The following TBX5 variants were observed in gnomAD, a reference collection of about 807,000 sequenced individuals.
TBX5 encodes T-box transcription factor TBX5.
A neutral mutation model predicts 51.1 loss-of-function variants in TBX5; 8 were observed. The ratio of observed to expected loss-of-function variants is 0.16; its 90% CI spans 0.09 to 0.28. The LOEUF (loss-of-function observed/expected upper bound fraction) is 0.28. Ranked by LOEUF, TBX5 falls within the 10% of genes least tolerant of loss-of-function variation. The pLI is 1.00. For missense variants in TBX5, 589 were observed against 671.7 expected, an observed-to-expected ratio of 0.88 and a Z score of 1.36; for synonymous variants, 302 against 266.4, an observed-to-expected ratio of 1.13 and a Z score of -1.30.
At position 114,403,758 on chromosome 12, in the gene TBX5, G is replaced by A. The variant is rs564730479; in HGVS notation, c.141C>T (p.Thr47=). 74 of 1,613,524 alleles carry A rather than the reference G, an allele frequency of 4.6e-5. 2 individuals are homozygous for A. In the South Asian group the frequency reaches 7.5e-4, roughly 16 times the overall value. The change falls in exon 2 of 9, where the codon ACC becomes ACT. Residue 47 remains threonine (T), a synonymous_variant. Coordinates refer to ENST00000405440, the MANE Select transcript of TBX5 (RefSeq NM_181486.4). ...KSPSSPQAAF[T]QQGMEGIKVF... Reference sequence around the variant, plus strand: ...AAGCGCGAGGTCTCCTTACCTGCTGGGTGAAGGCGGCCTGCGGGGACGACG... The same window carrying A: ...AAGCGCGAGGTCTCCTTACCTGCTGAGTGAAGGCGGCCTGCGGGGACGACG...
chr12:114,395,431 A>G (rs1871363916), intron 5 of TBX5, among the ~76,000 whole-genome samples: 1 of 152,050 alleles, frequency 6.6e-6, no homozygotes, highest in African/African-American at 2.4e-5. Context: ...CCTTTTTCTG[A>G]GGCTTAGGGT....
chr12:114,386,653 T>C (rs1356543121), intron 6 of TBX5, among the ~76,000 whole-genome samples: 1 of 152,202 alleles, frequency 6.6e-6, no homozygotes, highest in Non-Finnish European at 1.5e-5. Context: ...AGAAAATAAA[T>C]ATATGTAATT....
At chr12:114,368,662 G>A (rs1869689825) in intron 7 of TBX5, among the ~76,000 whole-genome samples, 1 of 152,252 alleles carries the variant, frequency 6.6e-6, no homozygotes, top group Non-Finnish European at 1.5e-5. Context: ...AACACAATAT[G>A]CTTTTAGGGG....
intron 7 of TBX5, among the ~76,000 whole-genome samples, chr12:114,367,151 GAATAGAGGGAGGGA>G (rs1869583475): frequency 6.6e-6 from 1 of 150,962 alleles, no homozygotes; most frequent in African/African-American, 2.4e-5. Flanking sequence ...TGGGCAGAGA[GAATAGAGGGAGGGA>G]AAAAAGAGAG....
At chr12:114,408,046 A>G (rs1231534396), upstream of TBX5, 5 of 985,466 alleles carry the variant, frequency 5.1e-6, no homozygotes, top group East Asian at 4.5e-4. Flanking sequence ...TAAAATAAAG[A>G]GGCAACCAGG....
chr12:114,399,278 A>G (rs1182175078), intron 4 of TBX5, among the ~76,000 whole-genome samples: 1 of 152,228 alleles, frequency 6.6e-6, no homozygotes, highest in Admixed American at 6.5e-5. Flanking sequence ...CAATAGACAC[A>G]GGCACCTCAC....
intron 8 of TBX5, among the ~76,000 whole-genome samples, chr12:114,362,374 C>G (rs1243217210): frequency 6.6e-6 from 1 of 152,172 alleles, no homozygotes; most frequent in African/African-American, 2.4e-5. Context: ...CTGGTCCCTG[C>G]CTTCCCCTCT....
intron 6 of TBX5, among the ~76,000 whole-genome samples, chr12:114,388,810 C>T (rs1440643299): frequency 6.7e-6 from 1 of 149,896 alleles, no homozygotes; most frequent in East Asian, 2.0e-4. Context: ...TCTTGAACTC[C>T]TGGGCTCAAG....
intron 7 of TBX5, among the ~76,000 whole-genome samples, chr12:114,384,602 T>C (rs1241534149): frequency 1.3e-5 from 2 of 152,156 alleles, no homozygotes; most frequent in Admixed American, 6.6e-5. Flanking sequence ...TGAATATATC[T>C]GTCTATCTGC....
intron 5 of TBX5, among the ~76,000 whole-genome samples, chr12:114,398,185 G>A (rs1248569439): frequency 6.6e-6 from 1 of 152,188 alleles, no homozygotes; most frequent in Non-Finnish European, 1.5e-5. Context: ...TGAGCCGGGG[G>A]CCATATCTCC....
chr12:114,357,152 G>A lies in TBX5; in HGVS notation c.983-1046C>T, dbSNP rs12302003. 1.5e-3 allele frequency among the ~76,000 whole-genome samples: 224 copies of A among 152,292 alleles called. 1 individual carries two copies. The highest frequency in any genetic ancestry group is 4.9e-3 in the African/African-American group (203 of 41,538). On this transcript the variant is annotated intron_variant, in intron 8 of 8. Transcript: ENST00000405440. ...TTGTTAAGTTGGTACAAGTTAATGT[G>A]TTGCTGTTTCCTGCTGAGCAAGTCC...
chr12:114,391,012 T>C (rs1040678808), intron 6 of TBX5, among the ~76,000 whole-genome samples: 2 of 152,176 alleles, frequency 1.3e-5, no homozygotes, highest in African/African-American at 4.8e-5. Flanking sequence ...CAGTGGTATA[T>C]GGGTATGTGA....
At chr12:114,381,635 T>G (rs889145586) in intron 7 of TBX5, among the ~76,000 whole-genome samples, 4 of 152,168 alleles carry the variant, frequency 2.6e-5, no homozygotes, top group Admixed American at 6.5e-5. Flanking sequence ...TCTATGCCCC[T>G]CCTGCAGATG....
chr12:114,398,674 C>G lies in TBX5; in HGVS notation c.409G>C (p.Val137Leu). The change falls in exon 5 of 9, where the codon GTG becomes CTG. Residue 137 changes from valine (V) to leucine (L), a missense_variant. This residue lies in a region of TBX5 where 85 missense variants were observed against 95.6 expected (regional missense o/e 0.89). Transcript: ENST00000405440. The stretch of plus-strand genomic sequence containing the variant: ...CCGGTGGCGGGGGAGTCTGGGTGCA[C>G]GTACAGGCGGCCAGGCATGGCGGGC... The part of the protein sequence containing the change: ...AEPAMPGRLY[V>L]HPDSPATGAH... 1 of 1,612,562 alleles carries G rather than the reference C, an allele frequency of 6.2e-7. No homozygotes were observed. The highest frequency in any genetic ancestry group is 8.5e-7 in the Non-Finnish European group (1 of 1,179,514).
At chr12:114,357,412 C>T (rs1479372041) in intron 8 of TBX5, among the ~76,000 whole-genome samples, 1 of 152,114 alleles carries the variant, frequency 6.6e-6, no homozygotes, top group Non-Finnish European at 1.5e-5. Context: ...AAACCCAGAC[C>T]CCAGGTTAAG....
chr12:114,376,911 G>C lies in TBX5; in HGVS notation c.755+8565C>G, dbSNP rs373813452. On this transcript the variant is annotated intron_variant, in intron 7 of 8. Coordinates refer to ENST00000405440, the MANE Select transcript of TBX5 (RefSeq NM_181486.4). ...TGCTGGGGATGGGTTAGGTGGGGGT[G>C]GGGGTACCTGAGTGGGAAAGTGGGA... Among the ~76,000 whole-genome samples, 34 of 152,110 alleles carry C rather than the reference G, an allele frequency of 2.2e-4. No individual in the cohort carries two copies. The South Asian group carries it at 6.7e-3, about 30-fold the overall frequency.
intron 6 of TBX5, among the ~76,000 whole-genome samples, chr12:114,394,495 GACA>G (rs1871315989): frequency 6.6e-6 from 1 of 152,182 alleles, no homozygotes; most frequent in African/African-American, 2.4e-5. Flanking sequence ...TCTATGGTTT[GACA>G]AGTTTGTTTC....
chr12:114,362,896 T>C (rs1162872918), intron 8 of TBX5, among the ~76,000 whole-genome samples: 1 of 152,172 alleles, frequency 6.6e-6, no homozygotes, highest in Non-Finnish European at 1.5e-5. Context: ...ACTCTTGGAC[T>C]CAAGCAATCC....
rs1371034438 is a variant in TBX5, at chr12:114,355,484, T to C, written c.*48A>G. On this transcript the variant is annotated 3_prime_UTR_variant, in exon 9 of 9. Transcript: ENST00000405440. ...TCTCTCCTTCTCTCTCTTTCTCCTC[T>C]CTCTCTCTCTTTCTCTAGGAAATGT... 6.3e-7 allele frequency: 1 copy of C among 1,591,690 alleles called. No homozygotes were observed. The highest frequency in any genetic ancestry group is 1.7e-5 in the Admixed American group (1 of 59,186).
Sources: allele counts gnomAD v4.1 joint callset (sites outside exome capture counted in the v4.1 genomes callset), GRCh38; gene constraint gnomAD v4.1.1; regional missense constraint gnomAD v4.1.1; transcripts MANE v1.5; gene names NCBI Gene and HGNC (gene_info 2026-07-23, HGNC 2026-07-21).